The following DOCK11 variants were observed in gnomAD, a reference collection of about 807,000 sequenced individuals.
DOCK11 encodes dedicator of cytokinesis protein 11.
In DOCK11, 70 loss-of-function variants were observed where a neutral mutation model predicts 169.1. The ratio of observed to expected loss-of-function variants is 0.41; its 90% CI spans 0.34 to 0.51. The LOEUF is 0.51. Ranked by LOEUF, DOCK11 falls within the 20% of genes least tolerant of loss-of-function variation. The pLI is 0.10. For synonymous variants in DOCK11, 529 were observed against 541.3 expected (o/e 0.98, Z 0.32); for missense variants, 1,166 against 1,538.8 (o/e 0.76, Z 4.05).
At chrX:118,510,796 G>A (rs2057646521) in intron 1 of DOCK11, among the ~76,000 whole-genome samples, 1 of 111,932 alleles carries the variant, frequency 8.9e-6, no homozygotes, top group African/African-American at 3.3e-5. Context: ...GGTAATCACA[G>A]AATCCCTTCC....
chrX:118,557,322 G>A (rs1050680447), intron 6 of DOCK11, among the ~76,000 whole-genome samples: 5 of 111,420 alleles, frequency 4.5e-5, no homozygotes, highest in Non-Finnish European at 9.4e-5. Context: ...AAGCAAAGAC[G>A]TGAAAGGAGT....
intron 1 of DOCK11, among the ~76,000 whole-genome samples, chrX:118,510,814 G>A (rs1257398542): frequency 1.8e-5 from 2 of 111,845 alleles, no homozygotes; most frequent in Non-Finnish European, 3.8e-5. Flanking sequence ...TCCCAGAAAT[G>A]GCTTTCTAAA....
chrX:118,630,971 G>A (rs1050904964), intron 35 of DOCK11, among the ~76,000 whole-genome samples: 3 of 111,328 alleles, frequency 2.7e-5, no homozygotes, highest in Non-Finnish European at 5.7e-5. Context: ...CTGGTATCGC[G>A]TTCTTTGTCG....
chrX:118,628,690 A>G, intron 34 of DOCK11, among the ~76,000 whole-genome samples: 1 of 112,331 alleles, frequency 8.9e-6, no homozygotes, highest in Non-Finnish European at 1.9e-5. Context: ...TGACAATCTT[A>G]GGGTCCCAGC....
intron 10 of DOCK11, among the ~76,000 whole-genome samples, chrX:118,569,252 C>A (rs1282798748): frequency 9.2e-6 from 1 of 108,400 alleles, no homozygotes; most frequent in Non-Finnish European, 1.9e-5. Flanking sequence ...ACCACCACGC[C>A]CGACTAATTT....
At chrX:118,518,012 T>A (rs1384969777) in intron 1 of DOCK11, among the ~76,000 whole-genome samples, 1 of 112,000 alleles carries the variant, frequency 8.9e-6, no homozygotes, top group Non-Finnish European at 1.9e-5. Context: ...TGGAGTTCTC[T>A]TTTGCTGCCA....
At chrX:118,605,919 G>A (rs999275394) in intron 24 of DOCK11, among the ~76,000 whole-genome samples, 4 of 110,526 alleles carry the variant, frequency 3.6e-5, no homozygotes, top group Non-Finnish European at 3.8e-5. Flanking sequence ...TTTCATGTTC[G>A]TTAATATTTG....
chrX:118,550,598 T>C (rs1043874289), intron 6 of DOCK11, among the ~76,000 whole-genome samples: 2 of 111,757 alleles, frequency 1.8e-5, no homozygotes, highest in Non-Finnish European at 3.8e-5. Context: ...AGTTTTATAG[T>C]TTCCAGGCTA....
chrX:118,659,605 G>A (rs1428596095), intron 44 of DOCK11, among the ~76,000 whole-genome samples: 1 of 112,099 alleles, frequency 8.9e-6, no homozygotes, highest in Non-Finnish European at 1.9e-5. Flanking sequence ...GAGGAATATA[G>A]TCATCTCTGG....
intron 45 of DOCK11, among the ~76,000 whole-genome samples, chrX:118,663,022 C>T (rs761050580): frequency 1.2e-4 from 13 of 112,121 alleles, no homozygotes; most frequent in Non-Finnish European, 2.4e-4. Flanking sequence ...CTCAAGTCAC[C>T]ATTCCAATAA....
chrX:118,559,409 ATT>A (rs1273443281), intron 6 of DOCK11, among the ~76,000 whole-genome samples: 1 of 111,387 alleles, frequency 9.0e-6, no homozygotes, highest in Non-Finnish European at 1.9e-5. Context: ...TTTTCATATT[ATT>A]TTTTTCATGT....
At chrX:118,534,053 A>C (rs1275184045) in intron 1 of DOCK11, among the ~76,000 whole-genome samples, 2 of 112,467 alleles carry the variant, frequency 1.8e-5, no homozygotes, top group Non-Finnish European at 3.8e-5. Context: ...AATTTTAAAA[A>C]GGCTCTTTGC....
At chrX:118,678,820 G>C (rs912058372) in intron 48 of DOCK11, among the ~76,000 whole-genome samples, 1 of 110,952 alleles carries the variant, frequency 9.0e-6, no homozygotes, top group African/African-American at 3.3e-5. Flanking sequence ...GCCCAGGCTG[G>C]AGTGCTGTGG....
At chrX:118,650,915 G>A (rs1249275413) in intron 41 of DOCK11, among the ~76,000 whole-genome samples, 1 of 111,715 alleles carries the variant, frequency 9.0e-6, no homozygotes, top group Non-Finnish European at 1.9e-5. Context: ...TTTATCATAG[G>A]CATTTTACAG....
At chrX:118,584,954 G>T in intron 15 of DOCK11, 87 bp from the exon 16 acceptor site, 1 of 1,143,449 alleles carries the variant, frequency 8.7e-7, no homozygotes, top group Non-Finnish European at 1.2e-6. Flanking sequence ...AAAACAGAAT[G>T]ATTAAAATTG....
intron 1 of DOCK11, among the ~76,000 whole-genome samples, chrX:118,527,759 A>T (rs1013953652): frequency 8.9e-6 from 1 of 112,147 alleles, no homozygotes; most frequent in Non-Finnish European, 1.9e-5. Context: ...TGAAGCTAGT[A>T]AGGCAGTAGA....
chrX:118,619,495 A>AT (rs1195435718), intron 31 of DOCK11, among the ~76,000 whole-genome samples: 26 of 97,093 alleles, frequency 2.7e-4, no homozygotes, highest in African/African-American at 7.4e-4. Flanking sequence ...AAAAAAAAAA[A>AT]AAATATATAT....
At chrX:118,632,052 T>C (rs747978850) in intron 35 of DOCK11, among the ~76,000 whole-genome samples, 1 of 111,464 alleles carries the variant, frequency 9.0e-6, no homozygotes, top group South Asian at 3.9e-4. Context: ...CCTCCCAGGT[T>C]CAAGTGATTC....
Position 118,583,227 on chromosome X carries a change from A to G in DOCK11, c.1596-1508A>G, listed in dbSNP as rs2013708187. Among the ~76,000 whole-genome samples the G allele has an allele frequency of 4.5e-5, 5 of 111,063 alleles. No homozygotes were observed. In the East Asian group the frequency reaches 8.5e-4, roughly 19 times the overall value. On this transcript the variant is annotated intron_variant, in intron 14 of 52. Coordinates refer to ENST00000276202, the MANE Select transcript of DOCK11 (RefSeq NM_144658.4). ...CTCACTCATAGGTGGGAGTTGAACA[A>G]TGAGAATACATGGACATGGGGAAGG...
Sources: gnomAD v4.1 joint callset for allele counts (sites outside exome capture counted in the v4.1 genomes callset) on GRCh38, gnomAD v4.1.1 for gene constraint, MANE v1.5 for transcripts, NCBI Gene and HGNC (gene_info 2026-07-23, HGNC 2026-07-21) for gene names.